The following TNS3 variants were observed in gnomAD, a reference collection of about 807,000 sequenced individuals.
TNS3 encodes the protein tensin-3.
Under a neutral mutation model 140.9 loss-of-function variants are expected in TNS3, and 45 were observed. That is an observed-to-expected ratio of 0.32 (90% CI 0.25 to 0.41). The LOEUF (loss-of-function observed/expected upper bound fraction) is 0.41, where lower values mean the gene tolerates loss of function less well. TNS3 is among the 10% of genes least tolerant of loss of function. TNS3 has a pLI of 1.00. For missense variants in TNS3, 1,716 were observed against 1,906.7 expected (o/e 0.90, Z 1.86); for synonymous variants, 815 against 788.4 (o/e 1.03, Z -0.56).
intron 3 of TNS3, among the ~76,000 whole-genome samples, chr7:47,496,401 TGCTGGA>T (rs1377481788): frequency 5.9e-5 from 9 of 151,828 alleles, no homozygotes; most frequent in Admixed American, 5.9e-4. Context: ...GGGCAGGAGG[TGCTGGA>T]GCCAAATGGC....
At chr7:47,551,454 C>T (rs1377153516) in intron 1 of TNS3, among the ~76,000 whole-genome samples, 1 of 152,190 alleles carries the variant, frequency 6.6e-6, no homozygotes, top group African/African-American at 2.4e-5. Flanking sequence ...TGGGTGTGGC[C>T]ACCTCAGGCC....
At chr7:47,545,810 T>G (rs73332516) in intron 1 of TNS3, among the ~76,000 whole-genome samples, 2 of 152,300 alleles carry the variant, frequency 1.3e-5, no homozygotes, top group African/African-American at 4.8e-5. Context: ...GGATCCCACC[T>G]GGGGGCAGCC....
At chr7:47,509,928 C>T (rs951293405) in intron 2 of TNS3, among the ~76,000 whole-genome samples, 3 of 152,228 alleles carry the variant, frequency 2.0e-5, no homozygotes, top group African/African-American at 7.2e-5. Context: ...GGGACAGCGT[C>T]TCTGTTGTGC....
rs780325105 is a variant in TNS3 at position 47,344,955 on chromosome 7, T to C, written c.2535A>G (p.Pro845=). The change falls in exon 19 of 31, where the codon CCA becomes CCG. Residue 845 remains proline (P), a synonymous_variant. Transcript: ENST00000311160. The part of the protein sequence containing the change: ...LSSKESMCST[P]AFPVSPETPY... ...GTGTCTCTGGAGACACAGGAAATGC[T>C]GGAGTTGAACACATGGACTCCTTGC... The C allele has an allele frequency of 1.9e-6, 3 of 1,614,262 alleles. No individual in the cohort carries two copies. Among genetic ancestry groups the C allele is most frequent in the Non-Finnish European group, 1.7e-6 (2 of 1,180,044 alleles).
chr7:47,377,370 C>T (rs146506444), intron 16 of TNS3, among the ~76,000 whole-genome samples: 16 of 152,264 alleles, frequency 1.1e-4, no homozygotes, highest in South Asian at 1.0e-3. Flanking sequence ...CTCGACTGTA[C>T]GACTCCACAT....
At chr7:47,305,717 T>C (rs1786711844) in intron 20 of TNS3, among the ~76,000 whole-genome samples, 1 of 152,266 alleles carries the variant, frequency 6.6e-6, no homozygotes, top group South Asian at 2.1e-4. Context: ...ACAGAATTTC[T>C]GTTTGGTTTC....
chr7:47,369,596 A>G lies in TNS3; in HGVS notation c.1050T>C (p.Asp350=). 3.8e-6 allele frequency: 6 copies of G among 1,596,668 alleles called. No homozygotes were observed. The highest frequency in any genetic ancestry group is 5.1e-6 in the Non-Finnish European group (6 of 1,170,906). ...TCCTCACCTTCGCGTAAAGGCTGCC[A>G]TCGACAGGGCCCTGCGTGTGTAGCA... ...GEVLHTQGPV[D]GSLYAKVRKK... is the part of the protein sequence containing the mutation. The change falls in exon 17 of 31, where the codon GAT becomes GAC. Residue 350 remains aspartate, a synonymous_variant. Transcript: ENST00000311160.
chr7:47,352,703 G>A (rs894624444), intron 17 of TNS3, among the ~76,000 whole-genome samples: 1 of 152,146 alleles, frequency 6.6e-6, no homozygotes, highest in Non-Finnish European at 1.5e-5. Context: ...CCCTTCCAGG[G>A]GCAGATGCAG....
intron 16 of TNS3, among the ~76,000 whole-genome samples, chr7:47,386,343 A>G (rs1264940651): frequency 6.6e-6 from 1 of 152,214 alleles, no homozygotes; most frequent in Non-Finnish European, 1.5e-5. Context: ...CTGTCCACAG[A>G]AACCTGTTTT....
intron 10 of TNS3, among the ~76,000 whole-genome samples, chr7:47,418,259 C>A (rs550926173): frequency 6.6e-6 from 1 of 152,252 alleles, no homozygotes; most frequent in South Asian, 2.1e-4. Context: ...CTAGACTGCA[C>A]CACTGCACTC....
chr7:47,411,831 T>C (rs770442075), intron 12 of TNS3, 29 bp from the exon 13 acceptor site: 4 of 1,603,398 alleles, frequency 2.5e-6, no homozygotes, highest in African/African-American at 1.3e-5. Context: ...GGTAGATCAT[T>C]ATGCAACTTC....
At chr7:47,580,192 A>C (rs1784494699) in intron 1 of TNS3, among the ~76,000 whole-genome samples, 2 of 152,148 alleles carry the variant, frequency 1.3e-5, no homozygotes, top group South Asian at 4.1e-4. Context: ...AGCAGCCAGG[A>C]ACAGGGGTCT....
intron 1 of TNS3, among the ~76,000 whole-genome samples, chr7:47,547,705 C>T (rs1562849009): frequency 6.6e-6 from 1 of 152,158 alleles, no homozygotes; most frequent in Non-Finnish European, 1.5e-5. Context: ...CCGCCATCCA[C>T]CCCTCCACAG....
At chr7:47,508,834 C>A (rs957019777) in intron 2 of TNS3, among the ~76,000 whole-genome samples, 1 of 152,166 alleles carries the variant, frequency 6.6e-6, no homozygotes, top group African/African-American at 2.4e-5. Context: ...GACACTCAAG[C>A]AGCCCTGTGG....
chr7:47,309,240 A>G (rs548479905), intron 20 of TNS3, among the ~76,000 whole-genome samples: 2 of 152,320 alleles, frequency 1.3e-5, no homozygotes, highest in South Asian at 4.1e-4. Flanking sequence ...CTGTTACTCC[A>G]TCCTGACCTG....
chr7:47,326,838 A>G (rs1400195722), intron 20 of TNS3, among the ~76,000 whole-genome samples: 2 of 152,230 alleles, frequency 1.3e-5, no homozygotes, highest in African/African-American at 4.8e-5. Context: ...CAATCCTGGA[A>G]GGGATACTGG....
chr7:47,481,698 C>T (rs1012288569), intron 3 of TNS3: 1 of 985,272 alleles, frequency 1.0e-6, no homozygotes, highest in Admixed American at 6.1e-5. Context: ...GAGACTTTGA[C>T]TCCACCATAG....
chr7:47,316,115 TC>T (rs1787390414), intron 20 of TNS3, among the ~76,000 whole-genome samples: 2 of 140,130 alleles, frequency 1.4e-5, no homozygotes, highest in African/African-American at 2.7e-5. Flanking sequence ...TCTCTCTCTC[TC>T]TCTCTCTCTC....
At chr7:47,464,022 C>T (rs1186978120) in intron 4 of TNS3, among the ~76,000 whole-genome samples, 2 of 152,282 alleles carry the variant, frequency 1.3e-5, no homozygotes, top group African/African-American at 2.4e-5. Context: ...CTAGTCCACC[C>T]GTAATTTTTA....
Sources: allele counts gnomAD v4.1 joint callset (sites outside exome capture counted in the v4.1 genomes callset), GRCh38; gene constraint gnomAD v4.1.1; transcripts MANE v1.5; gene names NCBI Gene and HGNC (gene_info 2026-07-23, HGNC 2026-07-21).